The following KAT14 variants were observed in gnomAD, a reference collection of about 807,000 sequenced individuals.
KAT14 encodes lysine acetyltransferase 14.
KAT14 carries 66 observed loss-of-function variants against 78.4 expected under a neutral mutation model. That is an observed-to-expected ratio of 0.84 (90% CI 0.69 to 1.03). The LOEUF (loss-of-function observed/expected upper bound fraction) is 1.03, where lower values mean the gene tolerates loss of function less well. Ranked by LOEUF, KAT14 falls within the 50% of genes least tolerant of loss-of-function variation. KAT14 has a pLI of 0.00. For missense variants in KAT14, 870 were observed against 972.5 expected, an observed-to-expected ratio of 0.89 and a Z score of 1.40; for synonymous variants, 344 against 359.4, an observed-to-expected ratio of 0.96 and a Z score of 0.48.
chr20:18,167,485 A>G (rs934051415), intron 7 of KAT14, among the ~76,000 whole-genome samples: 6 of 152,338 alleles, frequency 3.9e-5, no homozygotes, highest in South Asian at 2.1e-4. Flanking sequence ...CTGTAAATGC[A>G]TTTATTCAAT....
At chr20:18,181,983 T>A in intron 8 of KAT14, 137 bp downstream of exon 8, 1 of 1,324,948 alleles carries the variant, frequency 7.5e-7, no homozygotes. Flanking sequence ...AGTTCTGTGC[T>A]TCACCTCCAG....
chr20:18,138,105 G>A (rs1404505711), intron 1 of KAT14, 54 bp downstream of exon 1: 10 of 1,424,924 alleles, frequency 7.0e-6, no homozygotes, highest in Non-Finnish European at 7.3e-6. Flanking sequence ...GTCGACCTGG[G>A]GCCTCTCGTG....
At chr20:18,161,728 T>C (rs2038428817) in intron 5 of KAT14, 95 bp from the exon 6 acceptor site, 1 of 1,485,782 alleles carries the variant, frequency 6.7e-7, no homozygotes, top group African/African-American at 1.4e-5. Context: ...AATGCAAATA[T>C]TCCAAAAGCC....
chr20:18,162,904 A>T lies in KAT14; in HGVS notation c.1627A>T (p.Arg543Ter). The T allele has an allele frequency of 6.2e-7, 1 of 1,614,238 alleles. No homozygotes were observed. The highest frequency in any genetic ancestry group is 8.5e-7 in the Non-Finnish European group (1 of 1,180,034). ...ACTTCCAGCTGGACAAGCCACGTACAGAACCACCTGTCAGGACTTCAGAAT... is the reference window on the plus strand; with the variant it reads ...ACTTCCAGCTGGACAAGCCACGTACTGAACCACCTGTCAGGACTTCAGAAT... Reference protein sequence around the residue: ...SRLPAGQATYRTTCQDFRILD... With the variant: ...SRLPAGQATY The change falls in exon 7 of 11, where the codon AGA (arginine) becomes TGA (stop). Residue 543 changes from arginine (R) to a stop codon, truncating the protein, a stop_gained. Coordinates refer to ENST00000688188, the MANE Select transcript of KAT14 (RefSeq NM_001392073.1). LOFTEE classifies it high-confidence loss of function.
upstream of KAT14, among the ~76,000 whole-genome samples, chr20:18,137,444 G>A (rs192879380): frequency 1.6e-3 from 237 of 152,318 alleles, 1 homozygote; most frequent in African/African-American, 5.4e-3. Context: ...GCTGCCTAAC[G>A]AGGCGGTCTC....
At chr20:18,166,527 G>T (rs568906866) in intron 7 of KAT14, among the ~76,000 whole-genome samples, 1 of 152,306 alleles carries the variant, frequency 6.6e-6, no homozygotes, top group Admixed American at 6.5e-5. Flanking sequence ...GTCTTTAAAA[G>T]AAACTGTTAT....
Position 18,158,951 on chromosome 20 carries a change from T to G in KAT14, c.501-133T>G, listed in dbSNP as rs948415231. On this transcript the variant is annotated intron_variant, in intron 4 of 10. Transcript: ENST00000688188. Reference sequence around the variant, plus strand: ...CGAACTCCAGAGCCTCTCTCCTGCCTCTCGTGCTCTGCTCCTTCAGTAGCT... The same window carrying G: ...CGAACTCCAGAGCCTCTCTCCTGCCGCTCGTGCTCTGCTCCTTCAGTAGCT... 3.6e-6 allele frequency: 4 copies of G among 1,110,444 alleles called. No homozygotes were observed. In the African/African-American group the frequency reaches 6.5e-5, roughly 18 times the overall value. 68.8% of individuals were successfully genotyped at this position (1,110,444 alleles called of 1,614,324 possible).
intron 3 of KAT14, among the ~76,000 whole-genome samples, chr20:18,149,777 C>G (rs1473370723): frequency 6.6e-6 from 1 of 151,914 alleles, no homozygotes; most frequent in East Asian, 1.9e-4. Context: ...GTTTGAAACC[C>G]TGTCTCTACT....
At chr20:18,152,296 G>C (rs2038077446) in intron 4 of KAT14, among the ~76,000 whole-genome samples, 1 of 152,078 alleles carries the variant, frequency 6.6e-6, no homozygotes, top group Admixed American at 6.6e-5. Context: ...CACCAACCAG[G>C]CTGGGCCCGG....
chr20:18,178,351 C>A (rs2039122494), intron 7 of KAT14, among the ~76,000 whole-genome samples: 1 of 152,148 alleles, frequency 6.6e-6, no homozygotes, highest in African/African-American at 2.4e-5. Flanking sequence ...TGATATTCTA[C>A]ATCACTCCCA....
At chr20:18,149,638 A>G (rs1216550569) in intron 3 of KAT14, among the ~76,000 whole-genome samples, 1 of 152,186 alleles carries the variant, frequency 6.6e-6, no homozygotes. Flanking sequence ...CATTAACTGC[A>G]ATTTACTACA....
intron 8 of KAT14, 151 bp from the exon 9 acceptor site, chr20:18,182,972 G>C (rs1011296789): frequency 7.1e-6 from 8 of 1,128,340 alleles, no homozygotes; most frequent in Non-Finnish European, 9.7e-6. Flanking sequence ...ATACATAAAA[G>C]TATAGCTGTA....
intron 4 of KAT14, among the ~76,000 whole-genome samples, chr20:18,152,302 C>A (rs1032154412): frequency 6.6e-6 from 1 of 151,940 alleles, no homozygotes; most frequent in Non-Finnish European, 1.5e-5. Flanking sequence ...CCAGGCTGGG[C>A]CCGGTAGCTC....
At position 18,187,563 on chromosome 20, in the gene KAT14, T is replaced by C; in HGVS notation, c.*104T>C. The C allele has an allele frequency of 1.3e-6, 2 of 1,531,292 alleles. No individual in the cohort carries two copies. Among genetic ancestry groups the C allele is most frequent in the East Asian group, 2.4e-5 (1 of 41,890 alleles). The allele number at this position is 1,531,292 out of a possible 1,614,324, so 94.9% of individuals were successfully genotyped here. On this transcript the variant is annotated 3_prime_UTR_variant, in exon 11 of 11. Transcript: ENST00000688188. The stretch of plus-strand genomic sequence containing the variant: ...TCACAGGGAGCTCTAATCTCTGTGA[T>C]TACATGGTCCTTCAAACTCCCAACC...
Position 18,187,602 on chromosome 20 carries a change from C to A in KAT14, c.*143C>A. 7.2e-7 allele frequency: 1 copy of A among 1,384,256 alleles called. No individual in the cohort carries two copies. The highest frequency in any genetic ancestry group is 9.6e-7 in the Non-Finnish European group (1 of 1,038,010). The allele number at this position is 1,384,256 out of a possible 1,614,324, so 85.7% of individuals were successfully genotyped here. Reference sequence around the variant, plus strand: ...AAACTCCCAACCAAAGTGAGAAAAGCGGCATGCAGTGAAATGAGCAGTGAG... The same window carrying A: ...AAACTCCCAACCAAAGTGAGAAAAGAGGCATGCAGTGAAATGAGCAGTGAG... On this transcript the variant is annotated 3_prime_UTR_variant, in exon 11 of 11. Transcript: ENST00000688188.
At chr20:18,177,667 C>T (rs1354459870) in intron 7 of KAT14, among the ~76,000 whole-genome samples, 1 of 152,180 alleles carries the variant, frequency 6.6e-6, no homozygotes, top group Non-Finnish European at 1.5e-5. Context: ...TTCCTTTTAA[C>T]AAAGTTATTT....
In KAT14 at chr20:18,164,603, C is replaced by A. The variant is rs897512572; in HGVS notation, c.1668+1658C>A. Reference sequence around the variant, plus strand: ...CATATGCTTTTGTTAGTCATCTATTCACTTGTTCTTGTTCTTTTTTTTTTT... The same window carrying A: ...CATATGCTTTTGTTAGTCATCTATTAACTTGTTCTTGTTCTTTTTTTTTTT... On this transcript the variant is annotated intron_variant, in intron 7 of 10. Transcript: ENST00000688188. Among the ~76,000 whole-genome samples, 7 of 29,038 alleles carry A rather than the reference C, an allele frequency of 2.4e-4. No homozygotes were observed. The Admixed American group carries it at 2.6e-3, about 11-fold the overall frequency. 19.1% of individuals were successfully genotyped at this position (29,038 alleles called of 152,430 possible).
At chr20:18,138,080 G>GCC (rs1267288942) in intron 1 of KAT14, 29 bp downstream of exon 1, 1 of 1,443,714 alleles carries the variant, frequency 6.9e-7, no homozygotes, top group Non-Finnish European at 9.1e-7. Flanking sequence ...TCTCTTCCGG[G>GCC]CCCGCGCGCG....
intron 10 of KAT14, among the ~76,000 whole-genome samples, chr20:18,185,064 A>C (rs2039410273): frequency 6.6e-6 from 1 of 152,224 alleles, no homozygotes; most frequent in Non-Finnish European, 1.5e-5. Context: ...AGAAAATACC[A>C]AAAGCAAGAG....
Sources: allele counts gnomAD v4.1 joint callset (sites outside exome capture counted in the v4.1 genomes callset), GRCh38; gene constraint gnomAD v4.1.1; transcripts MANE v1.5; gene names NCBI Gene and HGNC (gene_info 2026-07-23, HGNC 2026-07-21).